Variants in BIRC6 observed in about 807,000 individuals in gnomAD.
The protein encoded by BIRC6 is dual E2 ubiquitin-conjugating enzyme/E3 ubiquitin-protein ligase BIRC6.
Under a neutral mutation model 503.3 loss-of-function variants are expected in BIRC6, and 98 were observed. That is an observed-to-expected ratio of 0.19 (90% CI 0.17 to 0.23). BIRC6 has a LOEUF of 0.23. BIRC6 is among the 10% of genes least tolerant of loss of function. The pLI, the probability that BIRC6 is intolerant of heterozygous loss-of-function variation, is 1.00. For missense variants in BIRC6, 5,360 were observed against 5,806.0 expected (o/e 0.92, Z 2.50); for synonymous variants, 2,240 against 2,078.7 (o/e 1.08, Z -2.11).
chr2:32,391,448 CTG>C (rs1199130102), intron 4 of BIRC6, among the ~76,000 whole-genome samples: 1 of 152,098 alleles, frequency 6.6e-6, no homozygotes, highest in Admixed American at 6.5e-5. Context: ...TAATGTGAAA[CTG>C]AGAATGCATT....
chr2:32,455,510 C>G (rs2047163732), intron 23 of BIRC6, among the ~76,000 whole-genome samples: 1 of 152,054 alleles, frequency 6.6e-6, no homozygotes, highest in African/African-American at 2.4e-5. Flanking sequence ...GCCTGTAGTC[C>G]CAGCTTCTTG....
chr2:32,577,536 T>A (rs1053913261), intron 66 of BIRC6, among the ~76,000 whole-genome samples: 4 of 151,944 alleles, frequency 2.6e-5, no homozygotes, highest in Non-Finnish European at 5.9e-5. Context: ...AAACTGTGTA[T>A]TTCCTTATGC....
chr2:32,476,683 T>C (rs1051254117), intron 34 of BIRC6, among the ~76,000 whole-genome samples: 1 of 152,194 alleles, frequency 6.6e-6, no homozygotes, highest in Non-Finnish European at 1.5e-5. Flanking sequence ...TATTATTGTA[T>C]CAGCCTCACA....
At chr2:32,491,697 A>G (rs962553688) in intron 44 of BIRC6, 139 bp downstream of exon 44, 8 of 915,886 alleles carry the variant, frequency 8.7e-6, no homozygotes, top group African/African-American at 5.1e-5. Flanking sequence ...AGGTTTTGTT[A>G]TTTGTAATAA....
At chr2:32,537,396 A>G (rs1333224047) in intron 61 of BIRC6, among the ~76,000 whole-genome samples, 1 of 152,206 alleles carries the variant, frequency 6.6e-6, no homozygotes, top group Non-Finnish European at 1.5e-5. Context: ...AAAGAAGAGA[A>G]ATAATAACAA....
intron 49 of BIRC6, 64 bp downstream of exon 49, chr2:32,503,300 C>T (rs1363548004): frequency 7.2e-7 from 1 of 1,389,032 alleles, no homozygotes; most frequent in East Asian, 2.4e-5. Flanking sequence ...TGGTATGAAA[C>T]AAAATTAGTT....
intron 22 of BIRC6, among the ~76,000 whole-genome samples, chr2:32,451,807 G>C (rs568368429): frequency 6.6e-6 from 1 of 152,350 alleles, no homozygotes; most frequent in Non-Finnish European, 1.5e-5. Context: ...ATCTCCCATA[G>C]TGAGCTTGAT....
At position 32,597,994 on chromosome 2, in the gene BIRC6, T is replaced by A. The variant is rs2061784018; in HGVS notation, c.13830+26T>A. ...GTAAAAAATAATGATAATAAAGCAC[T>A]CTCCCTTATCTCCTTGGCTCATCTA... is the stretch of plus-strand genomic sequence containing the variant. On this transcript the variant is annotated intron_variant, in intron 69 of 73. Coordinates refer to ENST00000421745, the MANE Select transcript of BIRC6 (RefSeq NM_016252.4). 11 of 1,542,786 alleles carry A rather than the reference T, an allele frequency of 7.1e-6. No homozygotes were observed. The South Asian group carries it at 1.1e-4, about 16-fold the overall frequency.
Position 32,467,695 on chromosome 2 carries a change from A to G in BIRC6, c.5527A>G (p.Ile1843Val). 1 of 1,613,906 alleles carries G rather than the reference A, an allele frequency of 6.2e-7. No individual in the cohort carries two copies. Among genetic ancestry groups the G allele is most frequent in the Non-Finnish European group, 8.5e-7 (1 of 1,179,852 alleles). ...VATDISTHSL[I>V]LHDLIPPPVC... ...AACTGATATAAGCACTCATTCACTA[A>G]TTCTTCATGACTTAATACCACCTCC... Residue 1843 changes from isoleucine (I) to valine (V), a missense_variant, in exon 27 of 74, where the codon ATT (isoleucine) becomes GTT (valine). This residue lies in a region of BIRC6 where 2,299 missense variants were observed against 2,267.2 expected (regional missense o/e 1.01). Transcript: ENST00000421745.
intron 65 of BIRC6, chr2:32,564,386 G>A (rs1228242140): frequency 6.6e-6 from 1 of 152,072 alleles, no homozygotes; most frequent in Non-Finnish European, 1.5e-5. Context: ...ATGTCTATTT[G>A]TTTTTGCATT....
chr2:32,575,032 A>G, intron 65 of BIRC6, 124 bp from the exon 66 acceptor site: 3 of 993,618 alleles, frequency 3.0e-6, no homozygotes, highest in Non-Finnish European at 3.1e-6. Flanking sequence ...ACAGGCCTGA[A>G]CCAGCGTGCC....
Position 32,488,700 on chromosome 2 carries a change from T to C in BIRC6, c.8081T>C (p.Ile2694Thr). ...FLYNANRIPV[I>T]SLNQASITSF... ...TATAATGCTAATAGGATACCTGTTATTTCATTAAATCAAGGTAAGATTTAT... is the reference window on the plus strand; with the variant it reads ...TATAATGCTAATAGGATACCTGTTACTTCATTAAATCAAGGTAAGATTTAT... Residue 2694 changes from isoleucine to threonine, a missense_variant, in exon 42 of 74, where the codon ATT (isoleucine) becomes ACT (threonine). Ile to Thr is a moderately conservative substitution (Grantham distance 89). Transcript: ENST00000421745. 1 of 1,415,296 alleles carries C rather than the reference T, an allele frequency of 7.1e-7. No individual in the cohort carries two copies. Among genetic ancestry groups the C allele is most frequent in the Non-Finnish European group, 9.6e-7 (1 of 1,043,594 alleles). 87.7% of individuals were successfully genotyped at this position (1,415,296 alleles called of 1,614,324 possible).
chr2:32,431,305 C>G (rs968662822), intron 12 of BIRC6, among the ~76,000 whole-genome samples: 1 of 140,882 alleles, frequency 7.1e-6, no homozygotes, highest in Admixed American at 7.7e-5. Context: ...AAGTGATTCT[C>G]CTGCCTCAGC....
intron 22 of BIRC6, among the ~76,000 whole-genome samples, chr2:32,453,142 G>C (rs1320412641): frequency 1.3e-5 from 2 of 151,596 alleles, no homozygotes; most frequent in African/African-American, 4.8e-5. Flanking sequence ...CAGTCCCTGT[G>C]AATTCATTTG....
chr2:32,546,515 A>G (rs1433072080), intron 63 of BIRC6, among the ~76,000 whole-genome samples: 1 of 151,896 alleles, frequency 6.6e-6, no homozygotes, highest in Non-Finnish European at 1.5e-5. Flanking sequence ...AGGAGGCGGA[A>G]GTTGCAGTGA....
chr2:32,606,986 G>A (rs918729176), intron 71 of BIRC6, among the ~76,000 whole-genome samples: 8 of 148,956 alleles, frequency 5.4e-5, no homozygotes, highest in African/African-American at 2.0e-4. Flanking sequence ...CAGCCTGGGT[G>A]ACAAGAGTGA....
rs909101421 is a variant in BIRC6, at chr2:32,501,736, A to G, written c.9055A>G (p.Lys3019Glu). 1.4e-5 allele frequency: 22 copies of G among 1,612,078 alleles called. No individual in the cohort carries two copies. Among genetic ancestry groups the G allele is most frequent in the Non-Finnish European group, 1.9e-5 (22 of 1,179,436 alleles). Residue 3019 changes from lysine to glutamate, a missense_variant, in exon 47 of 74, where the codon AAA becomes GAA. Lys to Glu is a moderately conservative substitution (Grantham distance 56). This residue lies in a region of BIRC6 where 267 missense variants were observed against 287.6 expected (regional missense o/e 0.93). Coordinates refer to ENST00000421745, the MANE Select transcript of BIRC6 (RefSeq NM_016252.4). ...AGGAGCAAGTGGATTACATCTCACT[A>G]AACATGAAAACTTTCATGGTGGGTT... Reference protein sequence around the residue: ...IIGASGLHLTKHENFHGGLDA... With the variant: ...IIGASGLHLTEHENFHGGLDA...
intron 8 of BIRC6, among the ~76,000 whole-genome samples, chr2:32,404,916 C>G (rs1573976532): frequency 6.6e-6 from 1 of 152,108 alleles, no homozygotes; most frequent in Non-Finnish European, 1.5e-5. Flanking sequence ...CCCTCCTTGT[C>G]CTCCCAAAGT....
intron 45 of BIRC6, among the ~76,000 whole-genome samples, chr2:32,498,530 T>A (rs948219233): frequency 1.3e-5 from 2 of 152,214 alleles, no homozygotes; most frequent in African/African-American, 4.8e-5. Flanking sequence ...TGTTTATATA[T>A]GCTATAAACA....
Sources: gnomAD v4.1 joint callset for allele counts (sites outside exome capture counted in the v4.1 genomes callset) on GRCh38, gnomAD v4.1.1 for gene constraint, gnomAD v4.1.1 regional missense constraint, MANE v1.5 for transcripts, NCBI Gene and HGNC (gene_info 2026-07-23, HGNC 2026-07-21) for gene names.